Variants in MEI1 observed in about 807,000 individuals in gnomAD.
The protein encoded by MEI1 is meiotic double-stranded break formation protein 1.
A neutral mutation model predicts 146.2 loss-of-function variants in MEI1; 103 were observed. That is an observed-to-expected ratio of 0.70 (90% CI 0.60 to 0.83). MEI1 has a LOEUF of 0.83. Ranked by LOEUF, MEI1 falls within the 40% of genes least tolerant of loss-of-function variation. The pLI, the probability that MEI1 is intolerant of heterozygous loss-of-function variation, is 0.00. For synonymous variants in MEI1, 652 were observed against 628.2 expected, an observed-to-expected ratio of 1.04 and a Z score of -0.57; for missense variants, 1,529 against 1,533.0, an observed-to-expected ratio of 1.00 and a Z score of 0.04.
At chr22:41,716,355 C>CTTTTTTTTTTTTTTTT (rs6147630) in intron 5 of MEI1, among the ~76,000 whole-genome samples, 4 of 118,578 alleles carry the variant, frequency 3.4e-5, no homozygotes, top group Admixed American at 1.0e-4. Flanking sequence ...TCCATTCATT[C>CTTTTTTTTTTTTTTTT]TTTTTTTTTT....
chr22:41,709,392 A>G, intron 3 of MEI1: 1 of 714,730 alleles, frequency 1.4e-6, no homozygotes, highest in Non-Finnish European at 2.6e-6. Flanking sequence ...TTGGAGGAGC[A>G]GATTTTGCAG....
chr22:41,770,133 T>C (rs1280996433), intron 19 of MEI1, among the ~76,000 whole-genome samples: 1 of 150,612 alleles, frequency 6.6e-6, no homozygotes, highest in African/African-American at 2.4e-5. Flanking sequence ...AAACTCTGTC[T>C]CAGAAAAAAA....
chr22:41,775,959 TA>T (rs1376583536), intron 20 of MEI1, 142 bp from the exon 21 acceptor site: 1 of 750,274 alleles, frequency 1.3e-6, no homozygotes, highest in African/African-American at 1.8e-5. Context: ...CTTTGGTACA[TA>T]ATAGGTGCTG....
chr22:41,710,304 CTGT>C (rs1479217570), intron 3 of MEI1, among the ~76,000 whole-genome samples: 1 of 152,128 alleles, frequency 6.6e-6, no homozygotes, highest in Non-Finnish European at 1.5e-5. Context: ...GAGAAAATTT[CTGT>C]TGTTTAAGCC....
chr22:41,767,959 A>C (rs1206203171), intron 19 of MEI1, among the ~76,000 whole-genome samples: 4 of 152,170 alleles, frequency 2.6e-5, no homozygotes, highest in Admixed American at 2.6e-4. Context: ...TAATGTACAG[A>C]AGTGGGAAGA....
intron 5 of MEI1, 63 bp downstream of exon 5, chr22:41,716,209 G>A (rs1317814455): frequency 8.6e-7 from 1 of 1,158,122 alleles, no homozygotes; most frequent in Non-Finnish European, 1.3e-6. Flanking sequence ...ACTGCCATTT[G>A]GGTGTCCCAT....
chr22:41,715,397 A>ATT (rs751733110), intron 4 of MEI1, among the ~76,000 whole-genome samples: 5 of 142,782 alleles, frequency 3.5e-5, no homozygotes, highest in East Asian at 2.0e-4. Flanking sequence ...GATAACAATA[A>ATT]TTTTTTTTTT....
chr22:41,784,843 G>A, intron 26 of MEI1, 60 bp downstream of exon 26: 4 of 1,428,330 alleles, frequency 2.8e-6, no homozygotes, highest in South Asian at 1.5e-5. Context: ...AGGGGTGGCT[G>A]CCTGTCGAGA....
intron 6 of MEI1, among the ~76,000 whole-genome samples, chr22:41,723,626 G>C (rs2071063989): frequency 6.6e-6 from 1 of 152,130 alleles, no homozygotes; most frequent in African/African-American, 2.4e-5. Flanking sequence ...GCCAGGTGAT[G>C]GATGATGTTA....
At position 41,784,428 on chromosome 22, in the gene MEI1, T is replaced by G; in HGVS notation, c.3169+8T>G. 6.2e-7 allele frequency: 1 copy of G among 1,613,558 alleles called. No homozygotes were observed. Among genetic ancestry groups the G allele is most frequent in the Admixed American group, 1.7e-5 (1 of 59,992 alleles). On this transcript the variant is annotated splice_region_variant and intron_variant, in intron 25 of 30. Coordinates refer to ENST00000401548, the MANE Select transcript of MEI1 (RefSeq NM_152513.4). ...AGGCTGCACTACTCTCAGGTATGGG[T>G]CCACAAGTCTCCAGCAGAAGAAAAG...
chr22:41,719,045 C>T (rs1440830967), intron 6 of MEI1, among the ~76,000 whole-genome samples: 4 of 147,540 alleles, frequency 2.7e-5, no homozygotes, highest in Admixed American at 1.4e-4. Flanking sequence ...TGCAGTGGCG[C>T]AATCTTGGCT....
At chr22:41,790,852 G>A (rs906573208) in intron 26 of MEI1, among the ~76,000 whole-genome samples, 2 of 152,066 alleles carry the variant, frequency 1.3e-5, no homozygotes, top group Admixed American at 6.6e-5. Context: ...CAGCCCCGAA[G>A]TGCTGGGATT....
In MEI1 at chr22:41,712,703, G is replaced by GT. The variant is rs766760114; in HGVS notation, c.350-1299_350-1298insT. 3.0e-3 allele frequency among the ~76,000 whole-genome samples: 277 copies of GT among 91,440 alleles called. 2 individuals carry two copies. Among genetic ancestry groups the GT allele is most frequent in the African/African-American group, 0.011 (252 of 23,940 alleles). 60.0% of individuals were successfully genotyped at this position (91,440 alleles called of 152,430 possible). A position where few individuals can be genotyped will look rare whatever the true frequency, so the allele number is the denominator to read the frequency against. On this transcript the variant is annotated intron_variant, in intron 3 of 30. Transcript: ENST00000401548. ...GTGTGTGTGTGTGTGTGTGTGTGTGGAGCAATATATATATATATTCACATT... is the reference window on the plus strand; with the variant it reads ...GTGTGTGTGTGTGTGTGTGTGTGTGGTAGCAATATATATATATATTCACATT...
At chr22:41,724,503 AGCTACTCGGGAT>A (rs908406851) in intron 7 of MEI1, among the ~76,000 whole-genome samples, 2 of 151,980 alleles carry the variant, frequency 1.3e-5, no homozygotes, top group Non-Finnish European at 2.9e-5. Flanking sequence ...CTGTAGTCCC[AGCTACTCGGGAT>A]GCTGAGGCAG....
At position 41,732,336 on chromosome 22, in the gene MEI1, C is replaced by A; in HGVS notation, c.1188C>A (p.Ile396=). 1 of 1,613,080 alleles carries A rather than the reference C, an allele frequency of 6.2e-7. No individual in the cohort carries two copies. Among genetic ancestry groups the A allele is most frequent in the Non-Finnish European group, 8.5e-7 (1 of 1,179,512 alleles). ...AGGGCCTGCTGCTTTTCGCTGAAAT[C>A]CTGACCCGGTGAGCAAAGTGGTGGA... ...HKQGLLLFAE[I]LTRQPEEIKL... The change falls in exon 10 of 31, where the codon ATC becomes ATA. Residue 396 remains isoleucine (I), a synonymous_variant. Transcript: ENST00000401548.
chr22:41,758,615 C>G, intron 18 of MEI1, 82 bp downstream of exon 18: 1 of 1,406,990 alleles, frequency 7.1e-7, no homozygotes. Flanking sequence ...GGGCATCTCT[C>G]CAAGCCTGAT....
In MEI1 at chr22:41,730,559, C is replaced by A. The variant is rs755478052; in HGVS notation, c.1018C>A (p.Leu340Ile). The change falls in exon 9 of 31, where the codon CTC (leucine) becomes ATC (isoleucine). Residue 340 changes from leucine (L) to isoleucine (I), a missense_variant. By Grantham distance (5) the Leu-to-Ile change is conservative. This residue lies in a region of MEI1 where 1,212 missense variants were observed against 1,178.9 expected (regional missense o/e 1.03). Coordinates refer to ENST00000401548, the MANE Select transcript of MEI1 (RefSeq NM_152513.4). ...GCATCTTTCTTCTTCCAGTGAAGTG[C>A]TCGTCTGGTCCAGCTGTAACTGCTT... is the stretch of plus-strand genomic sequence containing the variant. ...FEHLSSSSEV[L>I]VWSSCNCLTL... 6.2e-7 allele frequency: 1 copy of A among 1,613,876 alleles called. No homozygotes were observed. The highest frequency in any genetic ancestry group is 8.5e-7 in the Non-Finnish European group (1 of 1,179,784).
At chr22:41,794,095 G>C in intron 27 of MEI1, 185 bp downstream of exon 27, 1 of 674,318 alleles carries the variant, frequency 1.5e-6, no homozygotes, top group Admixed American at 2.8e-5. Context: ...GGTTCAGATA[G>C]GTCAAATGAT....
rs1337643392 is a variant in MEI1, at chr22:41,763,256, G to C, written c.2203G>C (p.Val735Leu). The C allele has an allele frequency of 3.7e-6, 6 of 1,613,804 alleles. No homozygotes were observed. The highest frequency in any genetic ancestry group is 4.2e-6 in the Non-Finnish European group (5 of 1,179,864). Residue 735 changes from valine to leucine, a missense_variant, in exon 19 of 31, where the codon GTG becomes CTG. By Grantham distance (32) the Val-to-Leu change is conservative. Around this residue, in one of 3 missense-constraint regions of MEI1, gnomAD observed 1,212 missense variants for 1,178.9 expected, o/e 1.03. Coordinates refer to ENST00000401548, the MANE Select transcript of MEI1 (RefSeq NM_152513.4). ...LQDQGERPPL[V>L]VFKASIYLLA... ...GGACCAGGGCGAGCGCCCCCCACTG[G>C]TGGTCTTCAAAGCCTCCATCTATCT...
Sources: allele counts gnomAD v4.1 joint callset (sites outside exome capture counted in the v4.1 genomes callset), GRCh38; gene constraint gnomAD v4.1.1; regional missense constraint gnomAD v4.1.1; transcripts MANE v1.5; gene names NCBI Gene and HGNC (gene_info 2026-07-23, HGNC 2026-07-21).